Variants in LEMD3 observed in about 807,000 individuals in gnomAD.
LEMD3 encodes inner nuclear membrane protein Man1.
Under a neutral mutation model 95.2 loss-of-function variants are expected in LEMD3, and 33 were observed. The observed-to-expected ratio is 0.35, with a 90% CI of 0.26 to 0.46. The LOEUF is 0.46. Ranked by LOEUF, LEMD3 falls within the 20% of genes least tolerant of loss-of-function variation. The pLI is 1.00. For synonymous variants in LEMD3, 525 were observed against 474.6 expected (o/e 1.11, Z -1.38); for missense variants, 1,210 against 1,192.8 (o/e 1.01, Z -0.21).
intron 1 of LEMD3, among the ~76,000 whole-genome samples, chr12:65,172,745 T>A (rs76307126): frequency 2.0e-5 from 3 of 151,488 alleles, no homozygotes; most frequent in Non-Finnish European, 4.4e-5. Flanking sequence ...TTTTTTTTTT[T>A]AGACAGAGTC....
intron 1 of LEMD3, chr12:65,171,852 A>G (rs1283856184): frequency 6.6e-6 from 1 of 152,496 alleles, no homozygotes; most frequent in Non-Finnish European, 1.5e-5. Flanking sequence ...AAACACAAAA[A>G]GAAGATGAAT....
Position 65,240,933 on chromosome 12 carries a change from T to A in LEMD3, c.2151T>A (p.Asp717Glu). ...GGAAAAAAATGAAGAAAGTCTGGGATAGAGCTGTTGACTTCCTTGCTGCTA... is the reference window on the plus strand; with the variant it reads ...GGAAAAAAATGAAGAAAGTCTGGGAAAGAGCTGTTGACTTCCTTGCTGCTA... Reference protein sequence around the residue: ...HDRKKMKKVWDRAVDFLAANE... With the variant: ...HDRKKMKKVWERAVDFLAANE... Residue 717 changes from aspartate to glutamate, a missense_variant, in exon 9 of 13, where the codon GAT becomes GAA. By Grantham distance (45) the Asp-to-Glu change is conservative. Coordinates refer to ENST00000308330, the MANE Select transcript of LEMD3 (RefSeq NM_014319.5). 1 of 1,614,052 alleles carries A rather than the reference T, an allele frequency of 6.2e-7. No individual in the cohort carries two copies. Among genetic ancestry groups the A allele is most frequent in the Non-Finnish European group, 8.5e-7 (1 of 1,179,932 alleles).
intron 1 of LEMD3, among the ~76,000 whole-genome samples, chr12:65,205,556 A>C (rs2136332837): frequency 6.6e-6 from 1 of 152,282 alleles, no homozygotes. Flanking sequence ...TTACAAAATC[A>C]GTATGTACTT....
intron 4 of LEMD3, among the ~76,000 whole-genome samples, chr12:65,236,642 T>C (rs968607633): frequency 6.6e-6 from 1 of 152,196 alleles, no homozygotes; most frequent in Non-Finnish European, 1.5e-5. Flanking sequence ...TTTCACTGTG[T>C]TGTTTATGCT....
intron 1 of LEMD3, among the ~76,000 whole-genome samples, chr12:65,191,897 C>A (rs1869252108): frequency 8.0e-6 from 1 of 125,626 alleles, no homozygotes; most frequent in Admixed American, 1.1e-4. Context: ...TGCATTCAAG[C>A]CTGGGCAACA....
chr12:65,239,079 T>C (rs1870856678), intron 6 of LEMD3, among the ~76,000 whole-genome samples: 1 of 152,174 alleles, frequency 6.6e-6, no homozygotes, highest in South Asian at 2.1e-4. Flanking sequence ...AAATCTACTT[T>C]AGAAAGTAGA....
chr12:65,193,881 G>C (rs1869326739), intron 1 of LEMD3, among the ~76,000 whole-genome samples: 1 of 151,788 alleles, frequency 6.6e-6, no homozygotes, highest in Admixed American at 6.6e-5. Flanking sequence ...TTTGTTCTTA[G>C]GTTGAACCCA....
At chr12:65,218,499 CTTCTGTTTAA>C in intron 3 of LEMD3, 43 bp from the exon 4 acceptor site, 1 of 1,054,972 alleles carries the variant, frequency 9.5e-7, no homozygotes, top group Non-Finnish European at 1.4e-6. Flanking sequence ...TGTTTGTTTT[CTTCTGTTTAA>C]GAGAGTACTG....
intron 4 of LEMD3, among the ~76,000 whole-genome samples, chr12:65,224,659 C>T (rs1189514183): frequency 6.6e-6 from 1 of 152,052 alleles, no homozygotes; most frequent in African/African-American, 2.4e-5. Flanking sequence ...GCTTTCTTCT[C>T]CTTGGTTTTC....
chr12:65,214,854 C>T (rs1870052354), intron 2 of LEMD3, among the ~76,000 whole-genome samples: 1 of 152,154 alleles, frequency 6.6e-6, no homozygotes, highest in Non-Finnish European at 1.5e-5. Flanking sequence ...ATGTCGATCC[C>T]TCCTGATCGT....
intron 1 of LEMD3, among the ~76,000 whole-genome samples, chr12:65,203,008 T>C (rs1869651633): frequency 6.6e-6 from 1 of 152,154 alleles, no homozygotes; most frequent in African/African-American, 2.4e-5. Flanking sequence ...GTTTCATTGA[T>C]TTTTCTCTAT....
chr12:65,242,273 T>C (rs1870960251), intron 9 of LEMD3, among the ~76,000 whole-genome samples: 1 of 152,200 alleles, frequency 6.6e-6, no homozygotes, highest in Non-Finnish European at 1.5e-5. Flanking sequence ...GATTATCCTC[T>C]TTTTCTTCAC....
chr12:65,235,060 A>G (rs1223329251), intron 4 of LEMD3, among the ~76,000 whole-genome samples: 2 of 152,320 alleles, frequency 1.3e-5, no homozygotes, highest in East Asian at 1.9e-4. Context: ...ATATAAGTAC[A>G]AGTAAATACA....
chr12:65,243,653 T>C (rs182486364), intron 10 of LEMD3, among the ~76,000 whole-genome samples, 184 bp downstream of exon 10: 18 of 152,348 alleles, frequency 1.2e-4, no homozygotes, highest in Admixed American at 6.5e-4. Context: ...AGGACACTAA[T>C]GTATAAAGAT....
At chr12:65,224,336 A>T (rs1009493941) in intron 4 of LEMD3, among the ~76,000 whole-genome samples, 4 of 152,052 alleles carry the variant, frequency 2.6e-5, no homozygotes, top group Admixed American at 6.6e-5. Flanking sequence ...ATCTTTATTC[A>T]TTTTTGAAGG....
chr12:65,173,098 G>A (rs1592427020), intron 1 of LEMD3, among the ~76,000 whole-genome samples: 1 of 152,192 alleles, frequency 6.6e-6, no homozygotes, highest in Non-Finnish European at 1.5e-5. Context: ...GTAGGGCTAA[G>A]ATTTGGTTTC....
chr12:65,233,337 A>C (rs1436558791), intron 4 of LEMD3, among the ~76,000 whole-genome samples: 1 of 152,188 alleles, frequency 6.6e-6, no homozygotes, highest in African/African-American at 2.4e-5. Flanking sequence ...AAGTGGTCAA[A>C]GTAGATACAT....
intron 4 of LEMD3, among the ~76,000 whole-genome samples, chr12:65,220,161 T>C (rs1184358915): frequency 2.6e-5 from 4 of 152,340 alleles, no homozygotes; most frequent in East Asian, 1.9e-4. Context: ...TTACATTCTT[T>C]CCAATAGTAT....
At position 65,224,029 on chromosome 12, in the gene LEMD3, T is replaced by C. The variant is rs975076004; in HGVS notation, c.1695+5410T>C. Among the ~76,000 whole-genome samples the C allele has an allele frequency of 3.2e-4, 49 of 152,278 alleles. 1 individual carries two copies. The highest frequency in any genetic ancestry group is 1.1e-3 in the African/African-American group (44 of 41,590). ...TTTATATCTCTCTTCATCCTTTATA[T>C]TATTGATGTCACAGATTACATCTTT... On this transcript the variant is annotated intron_variant, in intron 4 of 12. Transcript: ENST00000308330.
Sources: allele counts gnomAD v4.1 joint callset (sites outside exome capture counted in the v4.1 genomes callset), GRCh38; gene constraint gnomAD v4.1.1; transcripts MANE v1.5; gene names NCBI Gene and HGNC (gene_info 2026-07-23, HGNC 2026-07-21).